The following PCCA variants were observed in gnomAD, a reference collection of about 807,000 sequenced individuals.
PCCA encodes the protein propionyl-CoA carboxylase subunit alpha.
PCCA carries 74 observed loss-of-function variants against 101.3 expected under a neutral mutation model. The observed-to-expected ratio is 0.73, with a 90% CI of 0.61 to 0.89. PCCA has a LOEUF of 0.89. Among genes scored for constraint, PCCA ranks in the 40% least tolerant of loss-of-function variants. PCCA has a pLI of 0.00. For missense variants in PCCA, 891 were observed against 907.0 expected (o/e 0.98, Z 0.23); for synonymous variants, 294 against 313.6 (o/e 0.94, Z 0.66).
chr13:100,286,591 T>G (rs1220972884), intron 12 of PCCA, among the ~76,000 whole-genome samples: 1 of 152,202 alleles, frequency 6.6e-6, no homozygotes, highest in Non-Finnish European at 1.5e-5. Flanking sequence ...TGAAACGAAA[T>G]TTAGAACTCA....
intron 6 of PCCA, among the ~76,000 whole-genome samples, chr13:100,164,822 A>G (rs570403862): frequency 6.6e-5 from 10 of 152,268 alleles, no homozygotes; most frequent in Admixed American, 3.9e-4. Context: ...CTGAAACTGT[A>G]CATATTAAAC....
intron 21 of PCCA, 32 bp downstream of exon 21, chr13:100,449,337 T>A (rs1472744574): frequency 7.6e-7 from 1 of 1,323,792 alleles, no homozygotes; most frequent in South Asian, 1.3e-5. Flanking sequence ...ATTCTCTTAA[T>A]TTACAGAGAA....
At chr13:100,456,019 G>T (rs2081680907) in intron 21 of PCCA, among the ~76,000 whole-genome samples, 1 of 152,134 alleles carries the variant, frequency 6.6e-6, no homozygotes, top group African/African-American at 2.4e-5. Context: ...AGTTTCTTTA[G>T]GGTTTTGTGC....
chr13:100,409,681 T>C (rs2077911178), intron 19 of PCCA, among the ~76,000 whole-genome samples: 1 of 152,320 alleles, frequency 6.6e-6, no homozygotes, highest in East Asian at 1.9e-4. Flanking sequence ...CAGTGGAGAT[T>C]ACAGTTCAAC....
intron 1 of PCCA, among the ~76,000 whole-genome samples, chr13:100,094,610 A>C (rs2046598859): frequency 6.6e-6 from 1 of 152,012 alleles, no homozygotes; most frequent in African/African-American, 2.4e-5. Flanking sequence ...TTTGTTTTTG[A>C]GATAGAGTCT....
At chr13:100,348,792 C>T (rs2072780065) in intron 18 of PCCA, among the ~76,000 whole-genome samples, 87 of 55,778 alleles carry the variant, frequency 1.6e-3, no homozygotes, top group African/African-American at 3.2e-3. Context: ...TTCTTTCTTC[C>T]TTCCTTCCTT....
Position 100,307,279 on chromosome 13 carries a change from T to C in PCCA, c.1353+19T>C. Reference sequence around the variant, plus strand: ...TTCAAAAGTTAGTTTAATTTCTCAATGGATTATTTGATTTCTTCGAAAAAT... The same window carrying C: ...TTCAAAAGTTAGTTTAATTTCTCAACGGATTATTTGATTTCTTCGAAAAAT... On this transcript the variant is annotated intron_variant, in intron 15 of 23. Transcript: ENST00000376285. 1 of 1,462,224 alleles carries C rather than the reference T, an allele frequency of 6.8e-7. No individual in the cohort carries two copies. Among genetic ancestry groups the C allele is most frequent in the Non-Finnish European group, 9.6e-7 (1 of 1,042,320 alleles). The allele number at this position is 1,462,224 out of a possible 1,614,324, so 90.6% of individuals were successfully genotyped here.
chr13:100,361,664 A>G (rs2074614645), intron 18 of PCCA, among the ~76,000 whole-genome samples: 1 of 152,202 alleles, frequency 6.6e-6, no homozygotes, highest in African/African-American at 2.4e-5. Context: ...CCTCAGCATT[A>G]CTAGTCATGG....
intron 21 of PCCA, among the ~76,000 whole-genome samples, chr13:100,501,955 G>T (rs10775030): frequency 0.24 from 36,293 of 151,828 alleles, 5,449 homozygotes; most frequent in East Asian, 0.65. Context: ...GCGGTCTGTG[G>T]TTTTACTAGC....
At chr13:100,431,536 T>C (rs1213030561) in intron 20 of PCCA, among the ~76,000 whole-genome samples, 1 of 152,234 alleles carries the variant, frequency 6.6e-6, no homozygotes, top group East Asian at 1.9e-4. Flanking sequence ...CCTTTTTAAA[T>C]TGTGCTTTTC....
intron 21 of PCCA, among the ~76,000 whole-genome samples, chr13:100,474,472 CTCTG>C (rs1224060276): frequency 1.3e-5 from 2 of 151,156 alleles, no homozygotes; most frequent in East Asian, 3.9e-4. Context: ...CTCTCTCTGT[CTCTG>C]TCTCTGTCTC....
In PCCA at chr13:100,155,044, C is replaced by T. The variant is rs1228885494; in HGVS notation, c.366C>T (p.Leu122=). 6.8e-6 allele frequency: 11 copies of T among 1,613,970 alleles called. No individual in the cohort carries two copies. Among genetic ancestry groups the T allele is most frequent in the Non-Finnish European group, 9.3e-6 (11 of 1,179,936 alleles). Residue 122 remains leucine (L), a synonymous_variant, in exon 5 of 24, where the codon CTC becomes CTT. Transcript: ENST00000376285. ...VGPAPTSKSY[L]NMDAIMEAIK... Reference sequence around the variant, plus strand: ...CAGCTCCCACCAGTAAAAGCTACCTCAACATGGATGCCATCATGGAAGCCA... The same window carrying T: ...CAGCTCCCACCAGTAAAAGCTACCTTAACATGGATGCCATCATGGAAGCCA...
At position 100,177,750 on chromosome 13, in the gene PCCA, A is replaced by G. The variant is rs140937375; in HGVS notation, c.468+20410A>G. ...CCTTCAAGTAGTCCATGTAAAAATA[A>G]CTCAAGTCTTCAAACATTCTCAGAA... is the stretch of plus-strand genomic sequence containing the variant. On this transcript the variant is annotated intron_variant, in intron 6 of 23. Coordinates refer to ENST00000376285, the MANE Select transcript of PCCA (RefSeq NM_000282.4). Among the ~76,000 whole-genome samples, 241 of 152,280 alleles carry G rather than the reference A, an allele frequency of 1.6e-3. 3 individuals are homozygous for G. The highest frequency in any genetic ancestry group is 0.012 in the East Asian group (64 of 5,188).
intron 21 of PCCA, among the ~76,000 whole-genome samples, chr13:100,507,652 CTTTCT>C (rs1159123497): frequency 3.9e-5 from 6 of 152,040 alleles, no homozygotes; most frequent in Non-Finnish European, 7.4e-5. Context: ...GTTTAATTTT[CTTTCT>C]TTTCTTTTCT....
intron 4 of PCCA, among the ~76,000 whole-genome samples, chr13:100,134,707 C>G (rs1178745161): frequency 6.6e-6 from 1 of 152,106 alleles, no homozygotes; most frequent in Non-Finnish European, 1.5e-5. Context: ...CTTGTGCCAC[C>G]ATGCCCAGCT....
intron 21 of PCCA, among the ~76,000 whole-genome samples, chr13:100,502,440 G>A (rs994449683): frequency 6.6e-6 from 1 of 152,084 alleles, no homozygotes; most frequent in Non-Finnish European, 1.5e-5. Flanking sequence ...CAGTATTCCT[G>A]GTTTCTGGAT....
chr13:100,184,768 ACT>A (rs1346527315), intron 6 of PCCA, among the ~76,000 whole-genome samples: 1 of 152,166 alleles, frequency 6.6e-6, no homozygotes, highest in African/African-American at 2.4e-5. Flanking sequence ...ACGAAGTATT[ACT>A]CTGCTTTTGA....
In PCCA at chr13:100,137,003, T is replaced by C. The variant is rs188008547; in HGVS notation, c.301-17976T>C. 2.0e-3 allele frequency among the ~76,000 whole-genome samples: 306 copies of C among 152,110 alleles called. 3 individuals carry two copies. Among genetic ancestry groups the C allele is most frequent in the African/African-American group, 7.0e-3 (291 of 41,556 alleles). On this transcript the variant is annotated intron_variant, in intron 4 of 23. Coordinates refer to ENST00000376285, the MANE Select transcript of PCCA (RefSeq NM_000282.4). ...ATTATTGATTTGAGATATATCTTCT[T>C]ATTTAATACTATAATTTTCTCTCTA...
At chr13:100,520,807 G>A (rs965718635) in intron 22 of PCCA, among the ~76,000 whole-genome samples, 1 of 152,024 alleles carries the variant, frequency 6.6e-6, no homozygotes, top group Non-Finnish European at 1.5e-5. Context: ...ATATTTATGT[G>A]GATCAGTATA....
Sources: allele counts gnomAD v4.1 joint callset (sites outside exome capture counted in the v4.1 genomes callset), GRCh38; gene constraint gnomAD v4.1.1; transcripts MANE v1.5; gene names NCBI Gene and HGNC (gene_info 2026-07-23, HGNC 2026-07-21).